The following LPA variants were observed in gnomAD, a reference collection of about 807,000 sequenced individuals.
LPA encodes the protein apolipoprotein(a).
A neutral mutation model predicts 197.9 loss-of-function variants in LPA; 199 were observed. That is an observed-to-expected ratio of 1.01 (90% CI 0.90 to 1.13). LPA has a LOEUF of 1.13. Ranked by LOEUF, LPA falls within the 50% of genes most tolerant of loss-of-function variation. LPA has a pLI of 0.00. For synonymous variants in LPA, 715 were observed against 639.5 expected (o/e 1.12, Z -1.78); for missense variants, 1,853 against 1,785.8 (o/e 1.04, Z -0.68).
In LPA at chr6:160,615,330, T is replaced by C. The variant is rs1419963446; in HGVS notation, c.2261+1787A>G. Among the ~76,000 whole-genome samples the C allele has an allele frequency of 1.2e-4, 17 of 145,710 alleles. 1 individual carries two copies. The highest frequency in any genetic ancestry group is 4.4e-4 in the African/African-American group (17 of 38,510). ...GAACTTGTGAGTTTCTGCGTGTGTGTGAGTATGGGTGTGTTTTCAGTTTGT... is the reference window on the plus strand; with the variant it reads ...GAACTTGTGAGTTTCTGCGTGTGTGCGAGTATGGGTGTGTTTTCAGTTTGT... On this transcript the variant is annotated intron_variant, in intron 14 of 38. Transcript: ENST00000316300.
intron 8 of LPA, among the ~76,000 whole-genome samples, chr6:160,631,991 A>AGTTTGTGTGTGT: frequency 7.6e-6 from 1 of 131,312 alleles, no homozygotes; most frequent in East Asian, 2.2e-4. Flanking sequence ...GTGTGTTTTC[A>AGTTTGTGTGTGT]GTGTGTGTGT....
At chr6:160,555,304 T>C (rs1214681347) in intron 30 of LPA, among the ~76,000 whole-genome samples, 2 of 135,340 alleles carry the variant, frequency 1.5e-5, no homozygotes, top group Admixed American at 7.5e-5. Context: ...AGTGTGTGTG[T>C]GTGTGTGTGT....
At chr6:160,657,722 G>T (rs41269866) in intron 1 of LPA, among the ~76,000 whole-genome samples, 43 of 152,058 alleles carry the variant, frequency 2.8e-4, no homozygotes, top group African/African-American at 1.0e-3. Context: ...CTAAGTCCCC[G>T]AGCTGCAACA....
intron 22 of LPA, 79 bp downstream of exon 22, chr6:160,593,879 A>T (rs1350290892): frequency 1.9e-6 from 3 of 1,544,174 alleles, no homozygotes; most frequent in East Asian, 2.3e-5. Flanking sequence ...TGTCATAAGA[A>T]GTTAGTTGGA....
In LPA at chr6:160,577,216, A is replaced by G. The variant is rs1166419535; in HGVS notation, c.4551T>C (p.Thr1517=). 7 of 1,613,798 alleles carry G rather than the reference A, an allele frequency of 4.3e-6. No individual in the cohort carries two copies. The highest frequency in any genetic ancestry group is 5.9e-6 in the Non-Finnish European group (7 of 1,179,862). Residue 1517 remains threonine, a synonymous_variant, in exon 28 of 39, where the codon ACT becomes ACC. Transcript: ENST00000316300. ...AAGATTGACAGGTCCTTCCTGTGACAGTGGTGGAGGATATGCCTCGATAAC... is the reference window on the plus strand; with the variant it reads ...AAGATTGACAGGTCCTTCCTGTGACGGTGGTGGAGGATATGCCTCGATAAC... ...GRSYRGISST[T]VTGRTCQSWS...
At chr6:160,581,622 T>G (rs1778803509) in intron 26 of LPA, among the ~76,000 whole-genome samples, 1 of 152,202 alleles carries the variant, frequency 6.6e-6, no homozygotes, top group African/African-American at 2.4e-5. Flanking sequence ...TTACTGTGTC[T>G]TTATGAGAAT....
In LPA at chr6:160,603,592, C is replaced by A. The variant is rs111672621; in HGVS notation, c.2945+1454G>T. ...TTTTTGCCATTCTAATCATTTCTGT[C>A]ATTTCTAGGTCTATTTGTATTGACT... On this transcript the variant is annotated intron_variant, in intron 18 of 38. Coordinates refer to ENST00000316300, the MANE Select transcript of LPA (RefSeq NM_005577.4). 2.7e-3 allele frequency among the ~76,000 whole-genome samples: 404 copies of A among 152,208 alleles called. 1 individual carries two copies. Among genetic ancestry groups the A allele is most frequent in the Admixed American group, 4.3e-3 (65 of 15,292 alleles).
In LPA at chr6:160,577,349, T is replaced by A. The variant is rs1440132193; in HGVS notation, c.4472-54A>T. On this transcript the variant is annotated intron_variant, in intron 27 of 38. Transcript: ENST00000316300. Reference sequence around the variant, plus strand: ...CAGTAATTGCATGAGCAGAGAAACATGGGAGACAATTTATGTCACATACTG... The same window carrying A: ...CAGTAATTGCATGAGCAGAGAAACAAGGGAGACAATTTATGTCACATACTG... 1.6e-5 allele frequency: 24 copies of A among 1,545,412 alleles called. No homozygotes were observed. In the South Asian group the frequency reaches 2.7e-4, roughly 17 times the overall value.
At chr6:160,573,570 G>T (rs1252366773) in intron 28 of LPA, among the ~76,000 whole-genome samples, 1 of 152,158 alleles carries the variant, frequency 6.6e-6, no homozygotes, top group East Asian at 1.9e-4. Context: ...CAGAGGGAAG[G>T]TAGGGCTGAA....
intron 28 of LPA, among the ~76,000 whole-genome samples, chr6:160,570,028 C>G (rs1019437346): frequency 6.6e-6 from 1 of 152,182 alleles, no homozygotes; most frequent in East Asian, 1.9e-4. Flanking sequence ...CATTTTTACA[C>G]TGGTGGTGGG....
At chr6:160,549,226 A>C (rs1778129739) in intron 30 of LPA, among the ~76,000 whole-genome samples, 1 of 152,192 alleles carries the variant, frequency 6.6e-6, no homozygotes. Context: ...AGGATTATAG[A>C]GATTACAAGT....
chr6:160,593,823 A>G (rs1779077573), intron 22 of LPA, 135 bp downstream of exon 22: 1 of 1,117,020 alleles, frequency 9.0e-7, no homozygotes, highest in Non-Finnish European at 1.3e-6. Context: ...GCCTGAAGAA[A>G]GAAGCCTGAG....
In LPA at chr6:160,657,722, G is replaced by A. The variant is rs41269866; in HGVS notation, c.49+6444C>T. Among the ~76,000 whole-genome samples, 1,474 of 152,054 alleles carry A rather than the reference G, an allele frequency of 9.7e-3. 14 individuals are homozygous for A. Among genetic ancestry groups the A allele is most frequent in the Non-Finnish European group, 0.016 (1,082 of 67,990 alleles). Reference sequence around the variant, plus strand: ...CTATCAGAACCTTTTCTAAGTCCCCGAGCTGCAACATTAAATGCAGAATCC... The same window carrying A: ...CTATCAGAACCTTTTCTAAGTCCCCAAGCTGCAACATTAAATGCAGAATCC... On this transcript the variant is annotated intron_variant, in intron 1 of 38. Transcript: ENST00000316300.
At chr6:160,544,616 C>A (rs41265922) in intron 33 of LPA, among the ~76,000 whole-genome samples, 4 of 152,122 alleles carry the variant, frequency 2.6e-5, no homozygotes, top group African/African-American at 4.8e-5. Flanking sequence ...TGGAGGCCAA[C>A]CTTCTTCCCC....
chr6:160,577,515 G>A (rs1778707324), intron 27 of LPA, among the ~76,000 whole-genome samples: 1 of 152,194 alleles, frequency 6.6e-6, no homozygotes, highest in Non-Finnish European at 1.5e-5. Context: ...ATAAAGAACA[G>A]AGGAGAATGC....
chr6:160,604,999 A>T, intron 18 of LPA, 47 bp downstream of exon 18: 1 of 1,610,968 alleles, frequency 6.2e-7, no homozygotes, highest in Non-Finnish European at 8.5e-7. Flanking sequence ...ACTAACAGAA[A>T]TTTCCACTGA....
chr6:160,605,587 G>A (rs41270984), intron 17 of LPA, among the ~76,000 whole-genome samples: 2,647 of 152,270 alleles, frequency 0.017, 67 homozygotes, highest in African/African-American at 0.059. Context: ...AGCAAAGCAC[G>A]ATGCATTTGG....
intron 28 of LPA, among the ~76,000 whole-genome samples, chr6:160,569,787 A>C (rs1274552044): frequency 6.6e-6 from 1 of 151,364 alleles, no homozygotes; most frequent in Non-Finnish European, 1.5e-5. Context: ...AATTTACAAG[A>C]AAAAAAATCA....
chr6:160,532,749 C>A, intron 37 of LPA, 100 bp from the exon 38 acceptor site: 1 of 818,078 alleles, frequency 1.2e-6, no homozygotes, highest in Non-Finnish European at 2.1e-6. Context: ...TCCTGTCTGT[C>A]CGTGAGGCTG....
Sources: allele counts gnomAD v4.1 joint callset (sites outside exome capture counted in the v4.1 genomes callset), GRCh38; gene constraint gnomAD v4.1.1; transcripts MANE v1.5; gene names NCBI Gene and HGNC (gene_info 2026-07-23, HGNC 2026-07-21).